Variants in TDRD12 observed in about 807,000 individuals in gnomAD.
The protein encoded by TDRD12 is tudor domain containing 12.
In TDRD12, 158 loss-of-function variants were observed where a neutral mutation model predicts 133.5. The ratio of observed to expected loss-of-function variants is 1.18; its 90% CI spans 1.04 to 1.35. TDRD12 has a LOEUF of 1.35. Ranked by LOEUF, TDRD12 falls within the 40% of genes most tolerant of loss-of-function variation. The pLI is 0.00. For missense variants in TDRD12, 1,443 were observed against 1,321.3 expected, an observed-to-expected ratio of 1.09 and a Z score of -1.43; for synonymous variants, 460 against 477.9, an observed-to-expected ratio of 0.96 and a Z score of 0.49.
intron 8 of TDRD12, among the ~76,000 whole-genome samples, chr19:32,761,093 A>T (rs1182401963): frequency 6.6e-6 from 1 of 152,116 alleles, no homozygotes. Flanking sequence ...CACTTGTTGC[A>T]TTTAGAGAAG....
At chr19:32,742,926 G>A (rs762044739) in intron 4 of TDRD12, 26 bp downstream of exon 4, 122 of 1,547,830 alleles carry the variant, frequency 7.9e-5, no homozygotes, top group Non-Finnish European at 1.0e-4. Flanking sequence ...TAAGTCCTTC[G>A]AATCATTAGT....
At chr19:32,761,105 C>T (rs890676461) in intron 8 of TDRD12, among the ~76,000 whole-genome samples, 4 of 152,074 alleles carry the variant, frequency 2.6e-5, no homozygotes, top group Admixed American at 2.0e-4. Context: ...TTAGAGAAGA[C>T]GTTTCTTGTT....
chr19:32,790,416 C>A, intron 11 of TDRD12, 115 bp from the exon 12 acceptor site: 2 of 1,023,826 alleles, frequency 2.0e-6, no homozygotes, highest in Non-Finnish European at 2.9e-6. Flanking sequence ...AGTTGTACAG[C>A]TGAGCCTTGG....
At chr19:32,787,848 G>T (rs1325750747) in intron 11 of TDRD12, among the ~76,000 whole-genome samples, 2 of 152,142 alleles carry the variant, frequency 1.3e-5, no homozygotes, top group East Asian at 3.9e-4. Context: ...AGTCAGTCAT[G>T]GCTTCCCTTG....
At chr19:32,783,927 C>T (rs1970837740) in intron 11 of TDRD12, among the ~76,000 whole-genome samples, 1 of 152,178 alleles carries the variant, frequency 6.6e-6, no homozygotes, top group African/African-American at 2.4e-5. Context: ...ATTTGACTTC[C>T]TCTCTTCCTA....
chr19:32,748,126 C>G (rs1223592348), intron 4 of TDRD12, among the ~76,000 whole-genome samples: 1 of 152,142 alleles, frequency 6.6e-6, no homozygotes, highest in Non-Finnish European at 1.5e-5. Context: ...TGTTAGACAC[C>G]CCACACTCAG....
At chr19:32,802,155 A>G (rs919142970) in intron 19 of TDRD12, among the ~76,000 whole-genome samples, 1 of 142,832 alleles carries the variant, frequency 7.0e-6, no homozygotes, top group African/African-American at 2.6e-5. Flanking sequence ...ATTATCATAT[A>G]TATATATGAT....
chr19:32,821,187 C>A, exon 28 of TDRD12: 1 of 1,430,564 alleles, frequency 7.0e-7, no homozygotes, highest in Non-Finnish European at 9.5e-7. Context: ...TCGTTAATGT[C>A]TGGAAAATTG....
At chr19:32,730,991 G>C (rs988926812) in intron 1 of TDRD12, among the ~76,000 whole-genome samples, 6 of 152,104 alleles carry the variant, frequency 3.9e-5, no homozygotes, top group African/African-American at 1.4e-4. Flanking sequence ...CTCCAACCTG[G>C]GTGACACAGC....
chr19:32,742,757 A>T, intron 3 of TDRD12, 24 bp from the exon 4 acceptor site: 1 of 1,548,144 alleles, frequency 6.5e-7, no homozygotes. Flanking sequence ...TATATAATGG[A>T]GCTGTTTCTG....
At chr19:32,729,242 G>A (rs1968962860) in intron 1 of TDRD12, among the ~76,000 whole-genome samples, 1 of 141,316 alleles carries the variant, frequency 7.1e-6, no homozygotes, top group Non-Finnish European at 1.5e-5. Context: ...TTGTGAGATG[G>A]AGTCTTGCTC....
chr19:32,758,135 G>A (rs1025681131), intron 8 of TDRD12, among the ~76,000 whole-genome samples: 2 of 152,150 alleles, frequency 1.3e-5, no homozygotes, highest in African/African-American at 4.8e-5. Context: ...CTCTTGTCCT[G>A]TGTCCAAGAA....
At chr19:32,804,691 CAAAA>C (rs34907310) in intron 21 of TDRD12, among the ~76,000 whole-genome samples, 1 of 121,114 alleles carries the variant, frequency 8.3e-6, no homozygotes, top group Non-Finnish European at 1.7e-5. Flanking sequence ...GATTCTGTCT[CAAAA>C]AAAAAAAAAA....
At chr19:32,745,137 T>C (rs1023983597) in intron 4 of TDRD12, among the ~76,000 whole-genome samples, 1 of 152,308 alleles carries the variant, frequency 6.6e-6, no homozygotes, top group Middle Eastern at 3.4e-3. Flanking sequence ...CCCTGCCCCC[T>C]GTACTGCCCT....
intron 21 of TDRD12, among the ~76,000 whole-genome samples, chr19:32,805,411 ATG>A (rs1230124674): frequency 6.6e-6 from 1 of 151,442 alleles, no homozygotes; most frequent in Non-Finnish European, 1.5e-5. Context: ...AAAAAAAAAT[ATG>A]TGTGTAATAT....
At chr19:32,809,959 A>G (rs756623457) in intron 22 of TDRD12, 134 bp from the exon 23 acceptor site, 5 of 509,568 alleles carry the variant, frequency 9.8e-6, no homozygotes, top group Non-Finnish European at 1.6e-5. Flanking sequence ...CTAGCTTCCT[A>G]GTTTTTTCTA....
In TDRD12 at chr19:32,811,206, C is replaced by T; in HGVS notation, c.2838-4C>T. ...CGTTGAACCGATGCCCCATTGCTCTCCAGGGTTCAGGTGTTGGAAGTGAAC... is the reference window on the plus strand; with the variant it reads ...CGTTGAACCGATGCCCCATTGCTCTTCAGGGTTCAGGTGTTGGAAGTGAAC... On this transcript the variant is annotated splice_polypyrimidine_tract_variant and splice_region_variant and intron_variant, in intron 23 of 27. Coordinates refer to ENST00000444215, the Ensembl canonical transcript of TDRD12. 1 of 1,535,014 alleles carries T rather than the reference C, an allele frequency of 6.5e-7. No individual in the cohort carries two copies. Among genetic ancestry groups the T allele is most frequent in the African/African-American group, 1.4e-5 (1 of 73,118 alleles).
exon 21 of TDRD12, chr19:32,803,104 G>A (rs908098133): frequency 6.5e-7 from 1 of 1,535,034 alleles, no homozygotes; most frequent in Non-Finnish European, 8.7e-7. Flanking sequence ...AAGCCGGAAG[G>A]CCTCTTTGTC....
chr19:32,749,094 G>A (rs2042263), intron 5 of TDRD12, among the ~76,000 whole-genome samples: 88,881 of 151,996 alleles, frequency 0.58, 26,828 homozygotes, highest in East Asian at 0.82. Flanking sequence ...GCTGCCTGGT[G>A]CCTCGTTGGG....
Sources: gnomAD v4.1 joint callset for allele counts (sites outside exome capture counted in the v4.1 genomes callset) on GRCh38, gnomAD v4.1.1 for gene constraint, MANE v1.5 for transcripts, NCBI Gene and HGNC (gene_info 2026-07-23, HGNC 2026-07-21) for gene names.